SULT1A2: variants seen among roughly 807,000 people sequenced by gnomAD.
SULT1A2 encodes sulfotransferase family 1A member 2.
In SULT1A2, 33 loss-of-function variants were observed where a neutral mutation model predicts 36.0. The observed-to-expected ratio is 0.92, with a 90% CI of 0.69 to 1.22. The LOEUF (loss-of-function observed/expected upper bound fraction) is 1.22, where lower values mean the gene tolerates loss of function less well. Among genes scored for constraint, SULT1A2 ranks in the 50% most tolerant of loss-of-function variants. The pLI is 0.00. For synonymous variants in SULT1A2, 138 were observed against 144.5 expected, an observed-to-expected ratio of 0.96 and a Z score of 0.32; for missense variants, 367 against 383.2, an observed-to-expected ratio of 0.96 and a Z score of 0.35.
At position 28,595,750 on chromosome 16, in the gene SULT1A2, C is replaced by T. The variant is rs760948610; in HGVS notation, c.148+33G>A. On this transcript the variant is annotated intron_variant, in intron 2 of 7. Transcript: ENST00000335715. ...TCGCTGGCCAAGGTGGGGACTGCCACCTGGGAGAGGGTGGGTGGCCCTCCT... is the reference window on the plus strand; with the variant it reads ...TCGCTGGCCAAGGTGGGGACTGCCATCTGGGAGAGGGTGGGTGGCCCTCCT... 21 of 1,611,846 alleles carry T rather than the reference C, an allele frequency of 1.3e-5. No individual in the cohort carries two copies. The African/African-American group carries it at 1.7e-4, about 13-fold the overall frequency.
intron 6 of SULT1A2, among the ~76,000 whole-genome samples, chr16:28,592,924 A>G (rs1408559050): frequency 6.6e-6 from 1 of 152,160 alleles, no homozygotes; most frequent in African/African-American, 2.4e-5. Context: ...AGGCAGGAGA[A>G]TCACTTGAAC....
At chr16:28,595,073 G>A (rs1349560016) in intron 4 of SULT1A2, among the ~76,000 whole-genome samples, 4 of 151,874 alleles carry the variant, frequency 2.6e-5, no homozygotes, top group African/African-American at 9.7e-5. Flanking sequence ...GTGAGCCACC[G>A]CACTGGTGGG....
Position 28,593,436 on chromosome 16 carries a change from G to A in SULT1A2, c.499+6C>T, listed in dbSNP as rs755072865. 2.1e-5 allele frequency: 34 copies of A among 1,614,014 alleles called. No homozygotes were observed. The highest frequency in any genetic ancestry group is 2.7e-5 in the Non-Finnish European group (32 of 1,180,018). ...TCCACACCTTCCTTCCTCCCATCAAGCCCACCTTCTCCAGCCATGAACTTC... is the reference window on the plus strand; with the variant it reads ...TCCACACCTTCCTTCCTCCCATCAAACCCACCTTCTCCAGCCATGAACTTC... On this transcript the variant is annotated splice_donor_region_variant and intron_variant, in intron 5 of 7. Coordinates refer to ENST00000335715, the MANE Select transcript of SULT1A2 (RefSeq NM_001054.4).
In SULT1A2 at chr16:28,595,547, C is replaced by T. The variant is rs1347098975; in HGVS notation, c.274+3G>A. The T allele has an allele frequency of 6.2e-7, 1 of 1,614,220 alleles. No homozygotes were observed. Among genetic ancestry groups the T allele is most frequent in the Non-Finnish European group, 8.5e-7 (1 of 1,180,044 alleles). ...ACTCCCCTTGCACCCAGGACACACA[C>T]ACCTGAGGGAATCCCTGGGACTTTG... On this transcript the variant is annotated splice_donor_region_variant and intron_variant, in intron 3 of 7. Transcript: ENST00000335715.
intron 4 of SULT1A2, among the ~76,000 whole-genome samples, chr16:28,594,078 T>C (rs2047030209): frequency 6.7e-6 from 1 of 148,388 alleles, no homozygotes; most frequent in African/African-American, 2.5e-5. Context: ...CTTTGCTTTT[T>C]TCTTTTTGTT....
Position 28,595,808 on chromosome 16 carries a change from C to G in SULT1A2, c.123G>C (p.Leu41=). ...CGGACTTGGGGTAGGTGCTGATGAGCAGGTCATCAGGCCGGGCCTGGAAGC... is the reference window on the plus strand; with the variant it reads ...CGGACTTGGGGTAGGTGCTGATGAGGAGGTCATCAGGCCGGGCCTGGAAGC... The part of the protein sequence containing the change: ...LQSFQARPDD[L]LISTYPKSGT... The change falls in exon 2 of 8, where the codon CTG becomes CTC. Residue 41 remains leucine (L), a synonymous_variant. Transcript: ENST00000335715. The G allele has an allele frequency of 6.2e-7, 1 of 1,612,354 alleles. No homozygotes were observed. The highest frequency in any genetic ancestry group is 8.5e-7 in the Non-Finnish European group (1 of 1,179,384).
Position 28,592,010 on chromosome 16 carries a change from T to A in SULT1A2, c.*18A>T. 2.5e-6 allele frequency: 4 copies of A among 1,611,602 alleles called. No homozygotes were observed. On this transcript the variant is annotated 3_prime_UTR_variant, in exon 8 of 8. Transcript: ENST00000335715. ...CTTGATTCGCACACTCCCTCTGCAG[T>A]GACTCCAGGAACCCCTCTCACAGCT...
At chr16:28,595,313 T>A in intron 4 of SULT1A2, 54 bp downstream of exon 4, 1 of 1,604,578 alleles carries the variant, frequency 6.2e-7, no homozygotes, top group African/African-American at 1.3e-5. Flanking sequence ...TCTTCCCACC[T>A]CAGCCTCCCA....
intron 6 of SULT1A2, 140 bp from the exon 7 acceptor site, chr16:28,592,583 C>T: frequency 6.8e-7 from 1 of 1,480,334 alleles, no homozygotes; most frequent in Non-Finnish European, 9.2e-7. Flanking sequence ...CCCCTGGGAC[C>T]CCAGTCCCTG....
chr16:28,593,157 C>A, intron 6 of SULT1A2, 95 bp downstream of exon 6: 6 of 1,563,660 alleles, frequency 3.8e-6, no homozygotes, highest in Non-Finnish European at 5.2e-6. Flanking sequence ...GCTGGAGGGG[C>A]CGCCCAGGGA....
chr16:28,593,716 C>G, intron 4 of SULT1A2, 148 bp from the exon 5 acceptor site: 5 of 1,462,328 alleles, frequency 3.4e-6, no homozygotes, highest in Non-Finnish European at 4.6e-6. Context: ...AAGTCAGGAT[C>G]TGAACCCTGC....
Position 28,592,355 on chromosome 16 carries a change from G to T in SULT1A2, c.683C>A (p.Ser228Ter). ...ETVDLMVEHT[S>*]FKEMKKNPMT... ...AGGGTTCTTCTTCATCTCCTTGAAC[G>T]ACGTGTGCTCAACCATGAGGTCCAC... Residue 228 changes from serine (S) to a stop codon, truncating the protein, a stop_gained, in exon 7 of 8, where the codon TCG becomes TAG. Transcript: ENST00000335715. LOFTEE classifies it high-confidence loss of function. 3.1e-6 allele frequency: 5 copies of T among 1,614,002 alleles called. No homozygotes were observed. Among genetic ancestry groups the T allele is most frequent in the Non-Finnish European group, 4.2e-6 (5 of 1,179,892 alleles).
chr16:28,594,177 G>A (rs1212036720), intron 4 of SULT1A2, among the ~76,000 whole-genome samples: 1 of 144,046 alleles, frequency 6.9e-6, no homozygotes, highest in Non-Finnish European at 1.5e-5. Context: ...CTTTTTTCCT[G>A]TTGCCCAGGT....
At chr16:28,593,128 A>C (rs193654) in intron 6 of SULT1A2, 124 bp downstream of exon 6, 1 of 1,412,786 alleles carries the variant, frequency 7.1e-7, no homozygotes, top group Non-Finnish European at 9.7e-7. Flanking sequence ...CAGGGAGTCA[A>C]GATGGGGAAT....
intron 4 of SULT1A2, 145 bp from the exon 5 acceptor site, chr16:28,593,713 G>C: frequency 6.8e-7 from 1 of 1,477,442 alleles, no homozygotes; most frequent in African/African-American, 1.4e-5. Context: ...GCCAAGTCAG[G>C]ATCTGAACCC....
chr16:28,593,712 G>A (rs2047026269), intron 4 of SULT1A2, 144 bp from the exon 5 acceptor site: 1 of 1,481,258 alleles, frequency 6.8e-7, no homozygotes, highest in African/African-American at 1.4e-5. Flanking sequence ...GGCCAAGTCA[G>A]GATCTGAACC....
At chr16:28,595,275 C>T in intron 4 of SULT1A2, 92 bp downstream of exon 4, 3 of 1,531,430 alleles carry the variant, frequency 2.0e-6, no homozygotes, top group Non-Finnish European at 2.7e-6. Context: ...TTGGAAGAGA[C>T]TTATCTGGAA....
chr16:28,594,573 C>T (rs2047036317), intron 4 of SULT1A2, among the ~76,000 whole-genome samples: 1 of 152,170 alleles, frequency 6.6e-6, no homozygotes, highest in African/African-American at 2.4e-5. Context: ...CTGCCTCAGC[C>T]TCCCGAGTAG....
intron 6 of SULT1A2, among the ~76,000 whole-genome samples, chr16:28,592,671 T>C (rs2047008381): frequency 6.6e-6 from 1 of 151,996 alleles, no homozygotes; most frequent in Admixed American, 6.5e-5. Flanking sequence ...ACTGGGATGG[T>C]CTTCTTCCGT....
Sources: gnomAD v4.1 joint callset for allele counts (sites outside exome capture counted in the v4.1 genomes callset) on GRCh38, gnomAD v4.1.1 for gene constraint, MANE v1.5 for transcripts, NCBI Gene and HGNC (gene_info 2026-07-23, HGNC 2026-07-21) for gene names.